Variants in FARS2 observed in about 807,000 individuals in gnomAD.
FARS2 encodes phenylalanyl-tRNA synthetase 2, mitochondrial.
Under a neutral mutation model 46.4 loss-of-function variants are expected in FARS2, and 40 were observed. The ratio of observed to expected loss-of-function variants is 0.86; its 90% confidence interval spans 0.67 to 1.12. The LOEUF is 1.12. FARS2 is among the 50% of genes most tolerant of loss of function. FARS2 has a pLI of 0.00. For missense variants in FARS2, 513 were observed against 567.9 expected, an observed-to-expected ratio of 0.90 and a Z score of 0.98; for synonymous variants, 234 against 214.9, an observed-to-expected ratio of 1.09 and a Z score of -0.78.
chr6:5,358,308 T>C (rs751803712), intron 1 of FARS2, among the ~76,000 whole-genome samples: 27 of 152,074 alleles, frequency 1.8e-4, no homozygotes, highest in Admixed American at 7.2e-4. Context: ...TATATATATA[T>C]GTACATAGTA....
intron 6 of FARS2, among the ~76,000 whole-genome samples, chr6:5,695,945 T>A (rs893625241): frequency 6.6e-6 from 1 of 152,222 alleles, no homozygotes; most frequent in Non-Finnish European, 1.5e-5. Context: ...ACATACAGAC[T>A]GCTGTGAACA....
intron 6 of FARS2, among the ~76,000 whole-genome samples, chr6:5,718,354 C>G (rs1173945485): frequency 6.6e-6 from 1 of 152,240 alleles, no homozygotes; most frequent in African/African-American, 2.4e-5. Flanking sequence ...CCACCCCCAA[C>G]TGGGCCCATG....
At chr6:5,347,544 A>T (rs915329058) in intron 1 of FARS2, among the ~76,000 whole-genome samples, 1 of 152,104 alleles carries the variant, frequency 6.6e-6, no homozygotes, top group African/African-American at 2.4e-5. Context: ...TTTTATGAAT[A>T]TACCACTGTT....
In FARS2 at chr6:5,423,337, C is replaced by T. The variant is rs577293195; in HGVS notation, c.773-7704C>T. ...CATACCCAGATTTCAGAATGAGGGG[C>T]CCATTAAATTGTGCCATACTCCATT... On this transcript the variant is annotated intron_variant, in intron 3 of 6. Transcript: ENST00000274680. 3.9e-5 allele frequency among the ~76,000 whole-genome samples: 6 copies of T among 151,982 alleles called. 1 individual carries two copies. In the South Asian group the frequency reaches 1.0e-3, roughly 26 times the overall value.
At chr6:5,391,070 A>C (rs966757835) in intron 2 of FARS2, among the ~76,000 whole-genome samples, 12 of 152,220 alleles carry the variant, frequency 7.9e-5, no homozygotes, top group African/African-American at 2.9e-4. Context: ...AAGCAGTAGA[A>C]GTGTGTGGAG....
intron 4 of FARS2, among the ~76,000 whole-genome samples, chr6:5,462,864 A>G (rs888833371): frequency 6.6e-6 from 1 of 152,240 alleles, no homozygotes; most frequent in Non-Finnish European, 1.5e-5. Flanking sequence ...TAGGAATTTC[A>G]TCGAATCTTT....
intron 5 of FARS2, among the ~76,000 whole-genome samples, chr6:5,571,926 C>T (rs1348597251): frequency 6.6e-6 from 1 of 152,128 alleles, no homozygotes; most frequent in Non-Finnish European, 1.5e-5. Flanking sequence ...CAGACCAAAC[C>T]CACAGTCACC....
intron 1 of FARS2, among the ~76,000 whole-genome samples, chr6:5,276,757 T>G (rs1262289692): frequency 6.6e-6 from 1 of 152,144 alleles, no homozygotes; most frequent in Non-Finnish European, 1.5e-5. Context: ...GGGATGAATC[T>G]CTTTGTGCAG....
At chr6:5,277,591 C>T (rs576800551) in intron 1 of FARS2, among the ~76,000 whole-genome samples, 2 of 152,194 alleles carry the variant, frequency 1.3e-5, no homozygotes, top group Admixed American at 1.3e-4. Flanking sequence ...GACGATATAT[C>T]GTATCATCTC....
intron 6 of FARS2, among the ~76,000 whole-genome samples, chr6:5,660,063 A>T (rs942981701): frequency 6.6e-6 from 1 of 152,180 alleles, no homozygotes; most frequent in Non-Finnish European, 1.5e-5. Flanking sequence ...CTTGTGCTCC[A>T]TGATGGAGTT....
At chr6:5,440,985 A>T (rs1763812448) in intron 4 of FARS2, among the ~76,000 whole-genome samples, 1 of 151,056 alleles carries the variant, frequency 6.6e-6, no homozygotes, top group Admixed American at 6.6e-5. Context: ...GCAGTGGCAC[A>T]ATCTTGGCTC....
At chr6:5,646,411 A>G (rs1049977361) in intron 6 of FARS2, among the ~76,000 whole-genome samples, 50 of 152,242 alleles carry the variant, frequency 3.3e-4, no homozygotes, top group African/African-American at 1.2e-3. Flanking sequence ...CTGTGCAGTG[A>G]GGGCAGTGGG....
intron 4 of FARS2, among the ~76,000 whole-genome samples, chr6:5,434,929 A>G (rs1045561523): frequency 6.6e-6 from 1 of 152,216 alleles, no homozygotes; most frequent in Admixed American, 6.5e-5. Flanking sequence ...TGATGGAGCA[A>G]TGATAGTGGC....
chr6:5,423,269 TAGAG>T, intron 3 of FARS2, among the ~76,000 whole-genome samples: 1 of 151,984 alleles, frequency 6.6e-6, no homozygotes, highest in Non-Finnish European at 1.5e-5. Context: ...TGCTGCTTGA[TAGAG>T]AGCACGGGAG....
chr6:5,353,379 C>A (rs1388078882), intron 1 of FARS2, among the ~76,000 whole-genome samples: 1 of 152,018 alleles, frequency 6.6e-6, no homozygotes, highest in Admixed American at 6.6e-5. Flanking sequence ...GCAGATATAT[C>A]TTTGACATAC....
intron 5 of FARS2, among the ~76,000 whole-genome samples, chr6:5,546,995 A>C (rs1196672591): frequency 1.3e-5 from 2 of 151,772 alleles, no homozygotes; most frequent in Non-Finnish European, 2.9e-5. Flanking sequence ...TCTGTTCCCC[A>C]GGCTGGAGTG....
chr6:5,486,381 G>A (rs1210497476), intron 4 of FARS2, among the ~76,000 whole-genome samples: 1 of 152,196 alleles, frequency 6.6e-6, no homozygotes, highest in Non-Finnish European at 1.5e-5. Flanking sequence ...GAACAGGTCT[G>A]TTCTTGTTAT....
intron 6 of FARS2, among the ~76,000 whole-genome samples, chr6:5,723,485 G>C (rs1464539308): frequency 6.6e-6 from 1 of 152,142 alleles, no homozygotes; most frequent in Non-Finnish European, 1.5e-5. Context: ...ATAATTGCAG[G>C]ATCCGCTCAT....
At chr6:5,294,896 G>A (rs1398150527) in intron 1 of FARS2, among the ~76,000 whole-genome samples, 2 of 152,094 alleles carry the variant, frequency 1.3e-5, no homozygotes, top group Non-Finnish European at 2.9e-5. Context: ...AGTATAGGGT[G>A]GGACTCTCTC....
Sources: gnomAD v4.1 joint callset for allele counts (sites outside exome capture counted in the v4.1 genomes callset) on GRCh38, gnomAD v4.1.1 for gene constraint, MANE v1.5 for transcripts, NCBI Gene and HGNC (gene_info 2026-07-23, HGNC 2026-07-21) for gene names.